Variants in KIAA2012 observed in about 807,000 individuals in gnomAD.
The protein encoded by KIAA2012 is KIAA2012.
Under a neutral mutation model 150.6 loss-of-function variants are expected in KIAA2012, and 125 were observed. That is an observed-to-expected ratio of 0.83 (90% CI 0.72 to 0.96). The LOEUF (loss-of-function observed/expected upper bound fraction) is 0.96. Ranked by LOEUF, KIAA2012 falls within the 40% of genes least tolerant of loss-of-function variation. The probability of loss-of-function intolerance (pLI) is 0.00; values close to 1 mark genes in which losing one functional copy is unlikely to be tolerated. For missense variants in KIAA2012, 1,219 were observed against 1,354.9 expected (o/e 0.90, Z 1.57); for synonymous variants, 462 against 504.7 (o/e 0.92, Z 1.13).
chr2:202,165,607 G>C (rs1691739969), intron 15 of KIAA2012, among the ~76,000 whole-genome samples: 1 of 152,130 alleles, frequency 6.6e-6, no homozygotes, highest in Admixed American at 6.5e-5. Context: ...TGTAATCCCA[G>C]CTACTCGGGA....
chr2:202,114,320 C>T (rs1219136292), intron 11 of KIAA2012: 1 of 166,526 alleles, frequency 6.0e-6, no homozygotes, highest in Non-Finnish European at 1.5e-5. Context: ...AAGCAGCCAC[C>T]CAGTATATGG....
chr2:202,114,725 T>C (rs1013056560), intron 11 of KIAA2012: 2 of 163,288 alleles, frequency 1.2e-5, no homozygotes, highest in Non-Finnish European at 2.9e-5. Context: ...TAAATGTTCA[T>C]TTAAATTTTT....
intron 9 of KIAA2012, among the ~76,000 whole-genome samples, chr2:202,108,843 A>T (rs1690269573): frequency 6.6e-6 from 1 of 152,246 alleles, no homozygotes; most frequent in Admixed American, 6.5e-5. Context: ...GACCACATGA[A>T]GCCAATTTTT....
At chr2:202,105,586 T>C (rs1239993162) in intron 8 of KIAA2012, among the ~76,000 whole-genome samples, 175 bp from the exon 9 acceptor site, 3 of 152,198 alleles carry the variant, frequency 2.0e-5, no homozygotes, top group Non-Finnish European at 4.4e-5. Context: ...GCTAAGGCAA[T>C]GAGGTACTCT....
chr2:202,196,668 A>G (rs892660880), intron 21 of KIAA2012, 132 bp from the exon 22 acceptor site: 11 of 1,119,588 alleles, frequency 9.8e-6, no homozygotes, highest in South Asian at 1.7e-5. Flanking sequence ...AGGATCTGGC[A>G]GCCTGCTAGC....
In KIAA2012 at chr2:202,105,701, G is replaced by A. The variant is rs1690168626; in HGVS notation, c.1325-60G>A. ...GGGAAGGGATAGGTCCCCAAAAGAAGAGACATTAGGCAAAAACAACAGACC... is the reference window on the plus strand; with the variant it reads ...GGGAAGGGATAGGTCCCCAAAAGAAAAGACATTAGGCAAAAACAACAGACC... On this transcript the variant is annotated intron_variant, in intron 8 of 23. Coordinates refer to ENST00000498697, the MANE Select transcript of KIAA2012 (RefSeq NM_001277372.4). 7 of 1,521,952 alleles carry A rather than the reference G, an allele frequency of 4.6e-6. No homozygotes were observed. The African/African-American group carries it at 6.9e-5, about 15-fold the overall frequency. 94.3% of individuals were successfully genotyped at this position (1,521,952 alleles called of 1,614,324 possible).
chr2:202,161,381 T>C lies in KIAA2012; in HGVS notation c.2047-3903T>C, dbSNP rs148731748. ...GGTTTGCTTGAAATTCTTTACTGTGTCCCCATTGGCCCTCTGGTTAAATTC... is the reference window on the plus strand; with the variant it reads ...GGTTTGCTTGAAATTCTTTACTGTGCCCCCATTGGCCCTCTGGTTAAATTC... On this transcript the variant is annotated intron_variant, in intron 14 of 23. Coordinates refer to ENST00000498697, the MANE Select transcript of KIAA2012 (RefSeq NM_001277372.4). Among the ~76,000 whole-genome samples the C allele has an allele frequency of 4.9e-3, 745 of 152,262 alleles. 4 individuals carry two copies. The highest frequency in any genetic ancestry group is 0.014 in the Middle Eastern group (4 of 294).
At chr2:202,084,940 A>G (rs1042338985) in intron 2 of KIAA2012, among the ~76,000 whole-genome samples, 5 of 152,166 alleles carry the variant, frequency 3.3e-5, no homozygotes, top group Non-Finnish European at 5.9e-5. Flanking sequence ...TCTTTCCATC[A>G]TGACTATACA....
At chr2:202,173,359 T>G (rs76719610) in intron 15 of KIAA2012, among the ~76,000 whole-genome samples, 1 of 152,082 alleles carries the variant, frequency 6.6e-6, no homozygotes, top group Non-Finnish European at 1.5e-5. Context: ...CACCTGAGGC[T>G]GGGACTTCGA....
Position 202,075,096 on chromosome 2 carries a change from G to T in KIAA2012, c.290G>T (p.Gly97Val). ...AGAAAAGGCCCCTACTGCCCCAGAG[G>T]TCCCTGGAGGAAGCTGGATCTTGAA... Reference protein sequence around the residue: ...ERRKGPYCPRGPWRKLDLELH... With the variant: ...ERRKGPYCPRVPWRKLDLELH... Residue 97 changes from glycine to valine, a missense_variant, in exon 2 of 24, where the codon GGT becomes GTT. Transcript: ENST00000498697. 6.4e-7 allele frequency: 1 copy of T among 1,550,540 alleles called. No individual in the cohort carries two copies. The highest frequency in any genetic ancestry group is 8.7e-7 in the Non-Finnish European group (1 of 1,147,002).
intron 18 of KIAA2012, among the ~76,000 whole-genome samples, chr2:202,188,529 C>T (rs1692272175): frequency 1.3e-5 from 2 of 152,116 alleles, no homozygotes; most frequent in Admixed American, 6.5e-5. Flanking sequence ...TGAATACCTA[C>T]TCTTATTTAT....
intron 12 of KIAA2012, among the ~76,000 whole-genome samples, chr2:202,129,472 G>A (rs1045817571): frequency 2.6e-5 from 4 of 151,974 alleles, no homozygotes; most frequent in Admixed American, 1.3e-4. Flanking sequence ...CACCCGCCTC[G>A]GCCTCCTAAA....
chr2:202,097,946 TTC>T (rs1264938218), intron 5 of KIAA2012, among the ~76,000 whole-genome samples: 2 of 152,296 alleles, frequency 1.3e-5, no homozygotes, highest in East Asian at 3.9e-4. Flanking sequence ...ACAGAGAGGA[TTC>T]TCTCTCCCTT....
intron 13 of KIAA2012, among the ~76,000 whole-genome samples, chr2:202,140,319 G>A (rs1230168663): frequency 6.6e-6 from 1 of 152,140 alleles, no homozygotes; most frequent in Non-Finnish European, 1.5e-5. Context: ...CCAGAGCGAG[G>A]GGTCTTAAAC....
chr2:202,125,373 C>T (rs1690758277), intron 12 of KIAA2012, 91 bp downstream of exon 12: 1 of 926,482 alleles, frequency 1.1e-6, no homozygotes, highest in African/African-American at 1.7e-5. Context: ...CAGAAACCCA[C>T]AATTTCTCCC....
chr2:202,146,567 G>A (rs756641812), intron 13 of KIAA2012, among the ~76,000 whole-genome samples: 1 of 150,718 alleles, frequency 6.6e-6, no homozygotes, highest in Non-Finnish European at 1.5e-5. Context: ...GGGAGGTGGA[G>A]GTTGCAGTAA....
chr2:202,080,256 C>A lies in KIAA2012; in HGVS notation c.369+5081C>A, dbSNP rs76590674. ...CTAACCCTTTGTAATTCTAGGAAAG[C>A]AAATCAGATTTTTATTAAAATTAAT... On this transcript the variant is annotated intron_variant, in intron 2 of 23. Transcript: ENST00000498697. 5.6e-3 allele frequency among the ~76,000 whole-genome samples: 854 copies of A among 152,280 alleles called. 1 individual carries two copies. The highest frequency in any genetic ancestry group is 0.02 in the Middle Eastern group (6 of 294).
rs370455028 is a variant in KIAA2012, at chr2:202,083,315, C to T, written c.370-7455C>T. Among the ~76,000 whole-genome samples, 376 of 152,340 alleles carry T rather than the reference C, an allele frequency of 2.5e-3. 2 individuals are homozygous for T. The highest frequency in any genetic ancestry group is 8.6e-3 in the African/African-American group (356 of 41,574). On this transcript the variant is annotated intron_variant, in intron 2 of 23. Coordinates refer to ENST00000498697, the MANE Select transcript of KIAA2012 (RefSeq NM_001277372.4). ...GTTTGCATGAGGCTGATCAAAGTCACGCTGGGGATGGAGGATGCTTTCCAG... is the reference window on the plus strand; with the variant it reads ...GTTTGCATGAGGCTGATCAAAGTCATGCTGGGGATGGAGGATGCTTTCCAG...
At chr2:202,106,751 T>A (rs1198072288) in intron 9 of KIAA2012, among the ~76,000 whole-genome samples, 1 of 152,174 alleles carries the variant, frequency 6.6e-6, no homozygotes, top group Non-Finnish European at 1.5e-5. Context: ...CACTCCAATT[T>A]CCATGACGTG....
Sources: allele counts gnomAD v4.1 joint callset (sites outside exome capture counted in the v4.1 genomes callset), GRCh38; gene constraint gnomAD v4.1.1; transcripts MANE v1.5; gene names NCBI Gene and HGNC (gene_info 2026-07-23, HGNC 2026-07-21).